Variants in KCNIP3 observed in about 807,000 individuals in gnomAD.
KCNIP3 encodes the protein calsenilin.
KCNIP3 carries 28 observed loss-of-function variants against 35.0 expected under a neutral mutation model. The ratio of observed to expected loss-of-function variants is 0.80; its 90% CI spans 0.59 to 1.10. The LOEUF (loss-of-function observed/expected upper bound fraction) is 1.10, where lower values mean the gene tolerates loss of function less well. Among genes scored for constraint, KCNIP3 ranks in the 50% least tolerant of loss-of-function variants. The pLI is 0.00. For synonymous variants in KCNIP3, 134 were observed against 133.8 expected (o/e 1.00, Z -0.01); for missense variants, 295 against 338.4 (o/e 0.87, Z 1.01).
At chr2:95,326,880 C>T (rs1298869406) in intron 2 of KCNIP3, among the ~76,000 whole-genome samples, 4 of 152,212 alleles carry the variant, frequency 2.6e-5, no homozygotes, top group East Asian at 1.9e-4. Context: ...TGCCCTTCCT[C>T]GGCAGGGCAC....
At chr2:95,337,662 A>G (rs1679091607) in intron 2 of KCNIP3, among the ~76,000 whole-genome samples, 1 of 152,088 alleles carries the variant, frequency 6.6e-6, no homozygotes, top group African/African-American at 2.4e-5. Flanking sequence ...TATCATTCCC[A>G]TTTTACAGTT....
intron 2 of KCNIP3, among the ~76,000 whole-genome samples, chr2:95,329,097 A>G (rs1678865040): frequency 6.6e-6 from 1 of 152,186 alleles, no homozygotes; most frequent in African/African-American, 2.4e-5. Context: ...CATCTTTAAC[A>G]TGGGCTGTGA....
chr2:95,341,459 C>T (rs1054476335), intron 2 of KCNIP3, among the ~76,000 whole-genome samples: 10 of 152,168 alleles, frequency 6.6e-5, no homozygotes, highest in South Asian at 4.1e-4. Flanking sequence ...TTGGTCAATA[C>T]TCTAAGGTCA....
intron 2 of KCNIP3, among the ~76,000 whole-genome samples, chr2:95,322,640 T>C (rs1214170566): frequency 6.6e-6 from 1 of 152,202 alleles, no homozygotes; most frequent in Non-Finnish European, 1.5e-5. Flanking sequence ...GGCCCTGAGT[T>C]GGGGCCTCGG....
intron 2 of KCNIP3, among the ~76,000 whole-genome samples, chr2:95,335,814 A>G (rs184903354): frequency 1.3e-5 from 2 of 152,212 alleles, no homozygotes; most frequent in African/African-American, 4.8e-5. Context: ...GTCTAGTTAT[A>G]CATTTGTTAG....
chr2:95,309,586 G>T (rs1052514800), intron 1 of KCNIP3, among the ~76,000 whole-genome samples: 2 of 152,104 alleles, frequency 1.3e-5, no homozygotes, highest in African/African-American at 4.8e-5. Flanking sequence ...ACCACGTCTG[G>T]CTAATTTTTG....
chr2:95,341,947 C>T (rs972071526), intron 2 of KCNIP3, among the ~76,000 whole-genome samples: 11 of 152,034 alleles, frequency 7.2e-5, no homozygotes, highest in South Asian at 2.1e-4. Context: ...GGGAAAAGGA[C>T]GGGGGCGGGG....
intron 2 of KCNIP3, chr2:95,312,021 G>C (rs1173248733): frequency 6.6e-6 from 1 of 152,172 alleles, no homozygotes; most frequent in Non-Finnish European, 1.5e-5. Context: ...GTGGGGGCGA[G>C]AGCACGGTGG....
chr2:95,353,181 T>G (rs1679570460), intron 2 of KCNIP3, among the ~76,000 whole-genome samples: 1 of 151,938 alleles, frequency 6.6e-6, no homozygotes, highest in East Asian at 1.9e-4. Flanking sequence ...ACAAAGTGAG[T>G]GAGTTGCCAA....
chr2:95,322,753 G>T (rs1678628346), intron 2 of KCNIP3, among the ~76,000 whole-genome samples: 3 of 152,164 alleles, frequency 2.0e-5, no homozygotes, highest in Admixed American at 2.0e-4. Flanking sequence ...CGGCACAGGG[G>T]CCAGGGAGCC....
chr2:95,367,795 C>G (rs573570900), intron 2 of KCNIP3, among the ~76,000 whole-genome samples: 3 of 137,472 alleles, frequency 2.2e-5, no homozygotes, highest in African/African-American at 8.1e-5. Context: ...GAGTCTCGCT[C>G]TTGTTTCCCA....
chr2:95,354,443 C>T (rs1016038101), intron 2 of KCNIP3, among the ~76,000 whole-genome samples: 11 of 152,226 alleles, frequency 7.2e-5, no homozygotes, highest in African/African-American at 2.7e-4. Context: ...TGGGACGGTG[C>T]CCTCTGCAGG....
chr2:95,383,258 A>G lies in KCNIP3; in HGVS notation c.687A>G (p.Val229=), dbSNP rs1680393885. The change falls in exon 8 of 9, where the codon GTA becomes GTG. Residue 229 remains valine, a synonymous_variant. Transcript: ENST00000295225. ...FEKMDRNQDG[V]VTIEEFLEAC... is the part of the protein sequence containing the mutation. ...AAATGGACCGGAACCAGGATGGGGT[A>G]GTGACCATTGAAGAGTTCCTGGAGG... 1 of 1,613,936 alleles carries G rather than the reference A, an allele frequency of 6.2e-7. No individual in the cohort carries two copies. Among genetic ancestry groups the G allele is most frequent in the Non-Finnish European group, 8.5e-7 (1 of 1,179,920 alleles).
chr2:95,331,332 T>C (rs1678922663), intron 2 of KCNIP3, among the ~76,000 whole-genome samples: 1 of 152,142 alleles, frequency 6.6e-6, no homozygotes, highest in Admixed American at 6.5e-5. Context: ...CAAGCTGTTA[T>C]TCACTGTGGT....
intron 2 of KCNIP3, among the ~76,000 whole-genome samples, chr2:95,331,234 C>T (rs151149954): frequency 6.6e-6 from 1 of 152,242 alleles, no homozygotes; most frequent in Non-Finnish European, 1.5e-5. Flanking sequence ...AAGATGGGAC[C>T]GAAAGGATTT....
chr2:95,339,339 G>A (rs1289575929), intron 2 of KCNIP3, among the ~76,000 whole-genome samples: 2 of 152,156 alleles, frequency 1.3e-5, no homozygotes, highest in Admixed American at 6.5e-5. Flanking sequence ...CAGCACTCTG[G>A]GAGGCTGAGG....
At chr2:95,319,943 G>A (rs1204767650) in intron 2 of KCNIP3, among the ~76,000 whole-genome samples, 2 of 152,128 alleles carry the variant, frequency 1.3e-5, no homozygotes, top group African/African-American at 2.4e-5. Flanking sequence ...AGGGAGGGAG[G>A]GCAAGAGCGG....
rs1680416412 is a variant in KCNIP3, at chr2:95,383,922, C to G, written c.724-80C>G. On this transcript the variant is annotated intron_variant, in intron 8 of 8. Transcript: ENST00000295225. ...CAGGCAGTCGCTGCAGGCTCCGAGT[C>G]CCTGGCGGGAATCTGCTCAAGGGGG... The G allele has an allele frequency of 4.1e-6, 5 of 1,231,394 alleles. No homozygotes were observed. In the South Asian group the frequency reaches 6.0e-5, roughly 15 times the overall value. 76.3% of individuals were successfully genotyped at this position (1,231,394 alleles called of 1,614,324 possible).
intron 2 of KCNIP3, among the ~76,000 whole-genome samples, chr2:95,357,167 C>T (rs1679675622): frequency 6.6e-6 from 1 of 152,232 alleles, no homozygotes; most frequent in Non-Finnish European, 1.5e-5. Flanking sequence ...AGCAGTCTCA[C>T]CACAGACTTT....
Sources: gnomAD v4.1 joint callset for allele counts (sites outside exome capture counted in the v4.1 genomes callset) on GRCh38, gnomAD v4.1.1 for gene constraint, MANE v1.5 for transcripts, NCBI Gene and HGNC (gene_info 2026-07-23, HGNC 2026-07-21) for gene names.